DCDC1: variants seen among roughly 807,000 people sequenced by gnomAD.
DCDC1 encodes doublecortin domain containing 1.
DCDC1 carries 200 observed loss-of-function variants against 178.3 expected under a neutral mutation model. That is an observed-to-expected ratio of 1.12 (90% CI 1.00 to 1.26). The LOEUF is 1.26. Among genes scored for constraint, DCDC1 ranks in the 50% most tolerant of loss-of-function variants. The pLI, the probability that DCDC1 is intolerant of heterozygous loss-of-function variation, is 0.00. For synonymous variants in DCDC1, 690 were observed against 604.8 expected (o/e 1.14, Z -2.07); for missense variants, 1,983 against 1,749.2 (o/e 1.13, Z -2.38).
intron 2 of DCDC1, among the ~76,000 whole-genome samples, chr11:31,332,631 T>C (rs1252224732): frequency 6.6e-6 from 1 of 152,200 alleles, no homozygotes; most frequent in Non-Finnish European, 1.5e-5. Flanking sequence ...TTCATTTCAT[T>C]ATTTACCCAG....
chr11:31,238,583 A>G (rs992811745), intron 9 of DCDC1, among the ~76,000 whole-genome samples: 1 of 151,996 alleles, frequency 6.6e-6, no homozygotes, highest in Non-Finnish European at 1.5e-5. Context: ...AACTCGACAC[A>G]ATGGCATTCC....
At chr11:30,888,289 T>A (rs569032965) in intron 36 of DCDC1, among the ~76,000 whole-genome samples, 2 of 152,188 alleles carry the variant, frequency 1.3e-5, no homozygotes, top group Non-Finnish European at 2.9e-5. Flanking sequence ...CAGTGAGGCT[T>A]GTGCCTGGAA....
chr11:31,059,087 T>C (rs1955769483), intron 20 of DCDC1, among the ~76,000 whole-genome samples: 1 of 152,092 alleles, frequency 6.6e-6, no homozygotes, highest in African/African-American at 2.4e-5. Flanking sequence ...TGTGGCATAG[T>C]TGAAGGTTTG....
intron 13 of DCDC1, among the ~76,000 whole-genome samples, chr11:31,104,560 T>A (rs962909798): frequency 1.3e-5 from 2 of 152,104 alleles, no homozygotes; most frequent in African/African-American, 4.8e-5. Flanking sequence ...AAATAACTAA[T>A]ATAATACAAG....
chr11:31,129,899 T>C (rs1962200740), intron 10 of DCDC1, among the ~76,000 whole-genome samples: 1 of 152,154 alleles, frequency 6.6e-6, no homozygotes, highest in Admixed American at 6.6e-5. Flanking sequence ...CCTGGCTTTA[T>C]GGCTCATATT....
At chr11:30,991,223 G>A (rs1950961198) in intron 20 of DCDC1, among the ~76,000 whole-genome samples, 1 of 152,134 alleles carries the variant, frequency 6.6e-6, no homozygotes, top group Non-Finnish European at 1.5e-5. Context: ...CCTTAAGGAG[G>A]AGAGAGGCAG....
intron 21 of DCDC1, among the ~76,000 whole-genome samples, chr11:30,944,615 G>A (rs911613240): frequency 6.6e-6 from 1 of 152,136 alleles, no homozygotes; most frequent in South Asian, 2.1e-4. Flanking sequence ...AAATAAGGTG[G>A]ATTCAGACTT....
chr11:31,304,141 C>T (rs950783933), intron 6 of DCDC1, among the ~76,000 whole-genome samples: 1 of 151,956 alleles, frequency 6.6e-6, no homozygotes, highest in African/African-American at 2.4e-5. Context: ...TAAAAATCAT[C>T]CACCAAGCTC....
At chr11:30,927,430 A>G (rs942066664) in intron 22 of DCDC1, among the ~76,000 whole-genome samples, 3 of 152,160 alleles carry the variant, frequency 2.0e-5, no homozygotes, top group Admixed American at 6.5e-5. Flanking sequence ...AAAGAAAAAC[A>G]CCAAAAACCT....
At chr11:30,987,188 T>G (rs1403308310) in intron 20 of DCDC1, among the ~76,000 whole-genome samples, 1 of 152,120 alleles carries the variant, frequency 6.6e-6, no homozygotes, top group Non-Finnish European at 1.5e-5. Flanking sequence ...AGCTAATTTT[T>G]GTATTTTTAG....
At chr11:31,279,925 T>G (rs1363100008) in intron 7 of DCDC1, among the ~76,000 whole-genome samples, 1 of 152,024 alleles carries the variant, frequency 6.6e-6, no homozygotes, top group East Asian at 1.9e-4. Flanking sequence ...TATCTGTAAT[T>G]TTTTATTCTG....
chr11:31,271,236 A>G (rs1464440886), intron 7 of DCDC1, among the ~76,000 whole-genome samples: 1 of 152,186 alleles, frequency 6.6e-6, no homozygotes, highest in Non-Finnish European at 1.5e-5. Flanking sequence ...CCTTCCAGTT[A>G]TATTACAAGA....
At chr11:31,218,861 C>A (rs184697620) in intron 9 of DCDC1, among the ~76,000 whole-genome samples, 1 of 152,146 alleles carries the variant, frequency 6.6e-6, no homozygotes, top group East Asian at 1.9e-4. Context: ...TGACAAGGTC[C>A]TAATTTTTAG....
chr11:31,068,836 C>T (rs1038096118), intron 18 of DCDC1, among the ~76,000 whole-genome samples: 1 of 151,546 alleles, frequency 6.6e-6, no homozygotes, highest in Non-Finnish European at 1.5e-5. Flanking sequence ...GAGGAAGAGA[C>T]TTTACTTCTC....
At chr11:30,989,415 C>T (rs290108) in intron 20 of DCDC1, among the ~76,000 whole-genome samples, 88,382 of 151,970 alleles carry the variant, frequency 0.58, 26,370 homozygotes, top group African/African-American at 0.69. Flanking sequence ...GACTGCTCTA[C>T]TGACTCCCAG....
intron 38 of DCDC1, among the ~76,000 whole-genome samples, chr11:30,874,284 G>C (rs984426241): frequency 1.3e-5 from 2 of 152,166 alleles, no homozygotes; most frequent in Admixed American, 6.5e-5. Flanking sequence ...CTTAGGCATA[G>C]AGATTATGAC....
chr11:31,294,155 T>C (rs762751227), intron 6 of DCDC1, among the ~76,000 whole-genome samples: 25 of 152,044 alleles, frequency 1.6e-4, no homozygotes, highest in Non-Finnish European at 3.4e-4. Flanking sequence ...AAACTGACAG[T>C]GTAAGGTCTC....
chr11:31,147,852 G>A (rs1020945975), intron 9 of DCDC1, among the ~76,000 whole-genome samples: 4 of 152,174 alleles, frequency 2.6e-5, no homozygotes, highest in African/African-American at 9.7e-5. Context: ...CAGACATCTC[G>A]ATCTAAGGGA....
At chr11:30,933,301 A>G (rs1400039458) in intron 21 of DCDC1, among the ~76,000 whole-genome samples, 1 of 151,910 alleles carries the variant, frequency 6.6e-6, no homozygotes, top group Admixed American at 6.6e-5. Context: ...GTTTTTTTAA[A>G]AGTCTATTTG....
Sources: allele counts gnomAD v4.1 joint callset (sites outside exome capture counted in the v4.1 genomes callset), GRCh38; gene constraint gnomAD v4.1.1; transcripts MANE v1.5; gene names NCBI Gene and HGNC (gene_info 2026-07-23, HGNC 2026-07-21).